Variants in ARL17B observed in about 807,000 individuals in gnomAD.
ARL17B encodes the protein ADP-ribosylation factor-like protein 17.
intron 4 of ARL17B, among the ~76,000 whole-genome samples, chr17:46,285,963 G>C: frequency 6.6e-6 from 1 of 152,238 alleles, no homozygotes; most frequent in Non-Finnish European, 1.5e-5. Flanking sequence ...TGTGAGCACT[G>C]TCATGACATC....
chr17:46,287,818 G>A (rs79524601), intron 4 of ARL17B, among the ~76,000 whole-genome samples: 6,370 of 128,850 alleles, frequency 0.049, no homozygotes, highest in Non-Finnish European at 0.081. Flanking sequence ...GCAAGGCGGA[G>A]CTGTGTAAGT....
rs78255121 is a variant in ARL17B, at chr17:46,288,305, C to CTTT, written c.*21+11218_*21+11220dup. ...TACAGATGTGCACCACCAGGCCCGG[C>CTTT]TTTTTTTTTTTTTTTTTTTTTTTGA... On this transcript the variant is annotated intron_variant, in intron 4 of 4. Coordinates refer to the ARL17B transcript ENST00000570618. 7.1e-4 allele frequency among the ~76,000 whole-genome samples: 80 copies of CTTT among 112,226 alleles called. 1 individual carries two copies. The highest frequency in any genetic ancestry group is 1.0e-3 in the Admixed American group (11 of 10,822). 73.6% of individuals were successfully genotyped at this position (112,226 alleles called of 152,430 possible).
chr17:46,340,346 G>C (rs1017183741), intron 3 of ARL17B, among the ~76,000 whole-genome samples: 1 of 64,340 alleles, frequency 1.6e-5, no homozygotes, highest in African/African-American at 5.4e-5. Context: ...CTCCCTAGTA[G>C]CTGGGGTTAC....
chr17:46,332,768 A>G (rs2052056344), downstream of ARL17B: 1 of 410,834 alleles, frequency 2.4e-6, no homozygotes, highest in Non-Finnish European at 4.7e-6. Flanking sequence ...TACTTGACAT[A>G]CTTCTTCAGT....
At chr17:46,280,870 C>T (rs2049744472) in intron 4 of ARL17B, among the ~76,000 whole-genome samples, 1 of 152,206 alleles carries the variant, frequency 6.6e-6, no homozygotes, top group African/African-American at 2.4e-5. Context: ...CATTTCGTGT[C>T]TGGCCAATAG....
chr17:46,280,256 T>C (rs1321728304), intron 4 of ARL17B, among the ~76,000 whole-genome samples: 3 of 152,114 alleles, frequency 2.0e-5, no homozygotes, highest in African/African-American at 4.8e-5. Context: ...CCCAGCTACT[T>C]GGGAGGCTGA....
intron 4 of ARL17B, among the ~76,000 whole-genome samples, chr17:46,284,287 C>T (rs913015234): frequency 6.6e-6 from 1 of 152,232 alleles, no homozygotes; most frequent in Non-Finnish European, 1.5e-5. Context: ...TGCGGCCTTC[C>T]GCAGTGTTTG....
At chr17:46,284,727 G>C (rs970164597) in intron 4 of ARL17B, among the ~76,000 whole-genome samples, 17 of 152,222 alleles carry the variant, frequency 1.1e-4, no homozygotes, top group African/African-American at 4.1e-4. Context: ...TACCACAGCT[G>C]ATTAATGATG....
At chr17:46,289,930 G>A (rs77011525) in intron 4 of ARL17B, among the ~76,000 whole-genome samples, 19,801 of 151,822 alleles carry the variant, frequency 0.13, 18 homozygotes, top group Middle Eastern at 0.2. Flanking sequence ...GAGCAGCCTG[G>A]CCACATGGTG....
At chr17:46,278,649 G>A (rs1181502617) in intron 4 of ARL17B, among the ~76,000 whole-genome samples, 2 of 152,090 alleles carry the variant, frequency 1.3e-5, no homozygotes, top group South Asian at 2.1e-4. Flanking sequence ...TGATACACCC[G>A]CCTCGGCCTC....
At chr17:46,354,940 CAAGAAAGAA>C (rs79107353) in intron 2 of ARL17B, among the ~76,000 whole-genome samples, 48,421 of 91,532 alleles carry the variant, frequency 0.53, 15,498 homozygotes, top group Middle Eastern at 0.73. Flanking sequence ...GAATAACATC[CAAGAAAGAA>C]AAGAAAGAAA....
At chr17:46,333,517 T>C (rs1290645199), downstream of ARL17B, among the ~76,000 whole-genome samples, 2 of 42,828 alleles carry the variant, frequency 4.7e-5, 1 homozygote, top group East Asian at 5.7e-4. Flanking sequence ...CTTGACGCTA[T>C]GCTACCAGTC....
At chr17:46,291,265 T>C (rs542012311) in intron 4 of ARL17B, among the ~76,000 whole-genome samples, 2 of 152,334 alleles carry the variant, frequency 1.3e-5, no homozygotes, top group African/African-American at 4.8e-5. Flanking sequence ...TCCCTCTCCC[T>C]TCAAGAACAT....
chr17:46,276,356 A>T (rs1278258035), intron 4 of ARL17B, among the ~76,000 whole-genome samples: 1 of 152,258 alleles, frequency 6.6e-6, no homozygotes, highest in Non-Finnish European at 1.5e-5. Context: ...GCTAGAATAA[A>T]TTTTTTACCA....
intron 3 of ARL17B, among the ~76,000 whole-genome samples, chr17:46,304,993 T>C (rs2050477528): frequency 1.2e-5 from 1 of 82,242 alleles, no homozygotes; most frequent in African/African-American, 3.2e-5. Context: ...CTCAGCCTCC[T>C]GAGCAGCTAG....
At chr17:46,275,504 G>A in intron 4 of ARL17B, 1 of 625,144 alleles carries the variant, frequency 1.6e-6, no homozygotes, top group Non-Finnish European at 2.8e-6. Flanking sequence ...AAATAAATCT[G>A]GAAGAAGCAG....
downstream of ARL17B, among the ~76,000 whole-genome samples, chr17:46,274,236 T>C (rs1238163725): frequency 3.9e-5 from 6 of 152,246 alleles, no homozygotes; most frequent in Non-Finnish European, 8.8e-5. Flanking sequence ...CATACATCCA[T>C]AGTTGAATTT....
At chr17:46,277,203 T>C (rs2049614276) in intron 4 of ARL17B, among the ~76,000 whole-genome samples, 1 of 151,896 alleles carries the variant, frequency 6.6e-6, no homozygotes, top group Admixed American at 6.6e-5. Flanking sequence ...AAAAGCTACA[T>C]AAAATAACCA....
downstream of ARL17B, among the ~76,000 whole-genome samples, chr17:46,274,485 TAGC>T (rs1232816763): frequency 6.6e-6 from 1 of 152,236 alleles, no homozygotes; most frequent in Non-Finnish European, 1.5e-5. Flanking sequence ...CATGTGTACA[TAGC>T]AGCTCCTTTC....
Sources: allele counts gnomAD v4.1 joint callset (sites outside exome capture counted in the v4.1 genomes callset), GRCh38; gene constraint gnomAD v4.1.1; transcripts MANE v1.5; gene names NCBI Gene and HGNC (gene_info 2026-07-23, HGNC 2026-07-21).